The following RYR2 variants were observed in gnomAD, a reference collection of about 807,000 sequenced individuals.
The protein encoded by RYR2 is ryanodine receptor 2.
Under a neutral mutation model 601.1 loss-of-function variants are expected in RYR2, and 227 were observed. The observed-to-expected ratio is 0.38, with a 90% CI of 0.34 to 0.42. The LOEUF is 0.42. RYR2 is among the 10% of genes least tolerant of loss of function. RYR2 has a pLI of 1.00. For missense variants in RYR2, 4,646 were observed against 6,156.5 expected (o/e 0.75, Z 8.21); for synonymous variants, 2,223 against 2,175.1 (o/e 1.02, Z -0.61).
chr1:237,226,280 T>C (rs540761798), intron 1 of RYR2, among the ~76,000 whole-genome samples: 8 of 152,194 alleles, frequency 5.3e-5, no homozygotes. Context: ...TCTCACTGAT[T>C]GCTGGAATTT....
intron 47 of RYR2, 134 bp downstream of exon 47, chr1:237,641,136 C>T (rs1681424757): frequency 1.1e-5 from 6 of 554,988 alleles, no homozygotes; most frequent in Non-Finnish European, 1.5e-5. Flanking sequence ...GCAGTCTAAT[C>T]ACTGAACAAG....
chr1:237,491,183 T>C (rs1312545345), intron 17 of RYR2, among the ~76,000 whole-genome samples: 1 of 152,244 alleles, frequency 6.6e-6, no homozygotes, highest in Non-Finnish European at 1.5e-5. Flanking sequence ...CGATTTTTAA[T>C]CCCGTTTTAT....
chr1:237,787,917 TA>T, intron 91 of RYR2, 70 bp from the exon 92 acceptor site: 1 of 1,416,422 alleles, frequency 7.1e-7, no homozygotes, highest in Non-Finnish European at 9.6e-7. Context: ...TTCACTTGGG[TA>T]ATTTTCCACA....
At chr1:237,335,776 C>T (rs893558918) in intron 3 of RYR2, among the ~76,000 whole-genome samples, 1 of 152,062 alleles carries the variant, frequency 6.6e-6, no homozygotes, top group Non-Finnish European at 1.5e-5. Context: ...ATTTATAATT[C>T]AGGTGATTAT....
chr1:237,815,148 T>C (rs1661678361), intron 100 of RYR2, among the ~76,000 whole-genome samples: 2 of 152,086 alleles, frequency 1.3e-5, no homozygotes, highest in South Asian at 4.1e-4. Flanking sequence ...CTTCCTCTTC[T>C]AAATTTTTGT....
intron 1 of RYR2, among the ~76,000 whole-genome samples, chr1:237,253,475 G>A (rs1014567971): frequency 4.6e-5 from 7 of 152,094 alleles, no homozygotes; most frequent in African/African-American, 1.7e-4. Flanking sequence ...TTTACCCCTT[G>A]TAAACTGGCA....
chr1:237,216,874 A>G (rs1683237498), intron 1 of RYR2, among the ~76,000 whole-genome samples: 1 of 143,774 alleles, frequency 7.0e-6, no homozygotes, highest in Non-Finnish European at 1.5e-5. Context: ...TGAGTAGCAC[A>G]TGCTGAATGA....
At chr1:237,738,540 A>G (rs1234053862) in intron 79 of RYR2, among the ~76,000 whole-genome samples, 1 of 151,980 alleles carries the variant, frequency 6.6e-6, no homozygotes, top group Non-Finnish European at 1.5e-5. Flanking sequence ...TTATATATAG[A>G]TAGATAAATT....
At chr1:237,093,214 C>T (rs1011665801) in intron 1 of RYR2, among the ~76,000 whole-genome samples, 1 of 152,108 alleles carries the variant, frequency 6.6e-6, no homozygotes, top group Non-Finnish European at 1.5e-5. Flanking sequence ...TAAGATCATC[C>T]AAGTAGAGGG....
rs3057438 is a variant in RYR2 at position 237,567,415 on chromosome 1, C to CA, written c.3423+659dup. Among the ~76,000 whole-genome samples the CA allele has an allele frequency of 6.0e-3, 677 of 111,972 alleles. 15 individuals are homozygous for CA. In the East Asian group the frequency reaches 0.063, roughly 10 times the overall value. The allele number at this position is 111,972 out of a possible 152,430, so 73.5% of individuals were successfully genotyped here. On this transcript the variant is annotated intron_variant, in intron 28 of 104. Transcript: ENST00000366574. Reference sequence around the variant, plus strand: ...GCAACAAAGTAAGATCCTGTCTCTACAAAAAAAAAAAAAAAAAAATTAAAA... The same window carrying CA: ...GCAACAAAGTAAGATCCTGTCTCTACAAAAAAAAAAAAAAAAAAAATTAAAA...
intron 1 of RYR2, among the ~76,000 whole-genome samples, chr1:237,133,671 A>T (rs1010175958): frequency 2.0e-5 from 3 of 152,084 alleles, no homozygotes; most frequent in Non-Finnish European, 4.4e-5. Flanking sequence ...GGAGTCGGCC[A>T]GGCATGGTGG....
intron 25 of RYR2, among the ~76,000 whole-genome samples, chr1:237,542,197 G>A (rs1669363289): frequency 6.6e-6 from 1 of 151,988 alleles, no homozygotes; most frequent in African/African-American, 2.4e-5. Context: ...GGGTTCAAGC[G>A]ATTCTCCTGC....
At chr1:237,166,322 T>G (rs2148884867) in intron 1 of RYR2, among the ~76,000 whole-genome samples, 1 of 152,342 alleles carries the variant, frequency 6.6e-6, no homozygotes, top group Admixed American at 6.5e-5. Flanking sequence ...AAACAGATAC[T>G]TTCTGCATGA....
At chr1:237,263,572 G>A (rs983923145) in intron 1 of RYR2, among the ~76,000 whole-genome samples, 5 of 152,118 alleles carry the variant, frequency 3.3e-5, no homozygotes, top group African/African-American at 1.2e-4. Flanking sequence ...AAGTGGCATG[G>A]GGAGATACTA....
At chr1:237,677,685 C>A (rs187936798) in intron 60 of RYR2, among the ~76,000 whole-genome samples, 4 of 152,250 alleles carry the variant, frequency 2.6e-5, no homozygotes, top group Admixed American at 2.6e-4. Flanking sequence ...TTTACACTCA[C>A]TGTCCTCTTC....
intron 34 of RYR2, among the ~76,000 whole-genome samples, chr1:237,597,248 A>G (rs1217674960): frequency 6.6e-6 from 1 of 152,088 alleles, no homozygotes; most frequent in Admixed American, 6.6e-5. Flanking sequence ...ATGTAAATTA[A>G]GGCATCAGAA....
At chr1:237,831,260 T>C (rs561513981) in intron 103 of RYR2, among the ~76,000 whole-genome samples, 5 of 152,212 alleles carry the variant, frequency 3.3e-5, no homozygotes, top group Non-Finnish European at 5.9e-5. Context: ...TTCTAATTCA[T>C]CAGTGTTGAT....
intron 16 of RYR2, 106 bp downstream of exon 16, chr1:237,456,841 C>A: frequency 2.3e-6 from 3 of 1,299,312 alleles, no homozygotes; most frequent in Non-Finnish European, 3.1e-6. Context: ...ATTTGGGAGG[C>A]TGAGGTGGGA....
intron 96 of RYR2, among the ~76,000 whole-genome samples, chr1:237,795,941 T>TGTATACATATGCAC (rs1659159395): frequency 6.5e-5 from 2 of 30,812 alleles, no homozygotes; most frequent in African/African-American, 1.2e-4. Context: ...TACATATGTA[T>TGTATACATATGCAC]GTGTGCATAT....
Sources: allele counts gnomAD v4.1 joint callset (sites outside exome capture counted in the v4.1 genomes callset), GRCh38; gene constraint gnomAD v4.1.1; transcripts MANE v1.5; gene names NCBI Gene and HGNC (gene_info 2026-07-23, HGNC 2026-07-21).